The following RALGPS2 variants were observed in gnomAD, a reference collection of about 807,000 sequenced individuals.
RALGPS2 encodes the protein ras-specific guanine nucleotide-releasing factor RalGPS2.
A neutral mutation model predicts 86.8 loss-of-function variants in RALGPS2; 43 were observed. The observed-to-expected ratio is 0.50, with a 90% CI of 0.39 to 0.64. The LOEUF (loss-of-function observed/expected upper bound fraction) is 0.64. Among genes scored for constraint, RALGPS2 ranks in the 30% least tolerant of loss-of-function variants. The probability of loss-of-function intolerance (pLI) is 0.00; values close to 1 mark genes in which losing one functional copy is unlikely to be tolerated. For synonymous variants in RALGPS2, 243 were observed against 231.3 expected (o/e 1.05, Z -0.46); for missense variants, 536 against 694.6 (o/e 0.77, Z 2.57).
chr1:178,812,928 CTTTTT>C (rs397844555), intron 6 of RALGPS2, among the ~76,000 whole-genome samples: 1 of 106,830 alleles, frequency 9.4e-6, no homozygotes, highest in East Asian at 2.6e-4. Context: ...TAGGTAAATA[CTTTTT>C]TTTTTTTTTT....
intron 1 of RALGPS2, among the ~76,000 whole-genome samples, chr1:178,737,375 A>C (rs1650769114): frequency 6.6e-6 from 1 of 152,148 alleles, no homozygotes; most frequent in African/African-American, 2.4e-5. Flanking sequence ...CCTCGCGAGT[A>C]GCTGGGATTA....
intron 2 of RALGPS2, among the ~76,000 whole-genome samples, chr1:178,779,970 G>A (rs1558116118): frequency 6.6e-6 from 1 of 152,266 alleles, no homozygotes; most frequent in East Asian, 1.9e-4. Context: ...CTGACATCAG[G>A]TGATCCACCT....
At chr1:178,823,296 T>G (rs1655596199) in intron 7 of RALGPS2, among the ~76,000 whole-genome samples, 2 of 152,254 alleles carry the variant, frequency 1.3e-5, no homozygotes, top group Admixed American at 6.5e-5. Flanking sequence ...TGGTTTGTAT[T>G]TTAAAATATT....
chr1:178,877,686 G>A, intron 9 of RALGPS2, 51 bp downstream of exon 9: 1 of 1,593,350 alleles, frequency 6.3e-7, no homozygotes, highest in Admixed American at 1.7e-5. Flanking sequence ...GTAATCCAGT[G>A]ATTTATTTAC....
intron 7 of RALGPS2, among the ~76,000 whole-genome samples, chr1:178,827,543 C>G (rs1318548328): frequency 6.6e-6 from 1 of 151,482 alleles, no homozygotes; most frequent in African/African-American, 2.4e-5. Flanking sequence ...TACAGGCGCC[C>G]GCCACTACGC....
intron 17 of RALGPS2, among the ~76,000 whole-genome samples, chr1:178,900,646 T>A (rs371281923): frequency 6.6e-6 from 1 of 152,104 alleles, no homozygotes; most frequent in East Asian, 1.9e-4. Context: ...CCCAAAATAC[T>A]TATCAATAAG....
At chr1:178,878,847 A>G in intron 9 of RALGPS2, 55 bp from the exon 10 acceptor site, 4 of 1,581,586 alleles carry the variant, frequency 2.5e-6, no homozygotes, top group Non-Finnish European at 3.4e-6. Flanking sequence ...CTTAATTTTT[A>G]AAGTTCTGGT....
chr1:178,757,745 C>T (rs965728823), intron 1 of RALGPS2, among the ~76,000 whole-genome samples: 3 of 151,848 alleles, frequency 2.0e-5, no homozygotes, highest in Non-Finnish European at 4.4e-5. Context: ...TATTGGCCTG[C>T]AGTTTACTTG....
intron 8 of RALGPS2, among the ~76,000 whole-genome samples, chr1:178,876,692 C>G (rs1387127530): frequency 6.6e-6 from 1 of 152,132 alleles, no homozygotes; most frequent in African/African-American, 2.4e-5. Context: ...GTATGTTTTT[C>G]TTTTCTCTCC....
chr1:178,917,611 T>C lies in RALGPS2; in HGVS notation c.*1252T>C, dbSNP rs558839506. 6.6e-6 allele frequency: 1 copy of C among 152,304 alleles called. No homozygotes were observed. Among genetic ancestry groups the C allele is most frequent in the South Asian group, 2.1e-4 (1 of 4,830 alleles). 9.4% of individuals were successfully genotyped at this position (152,304 alleles called of 1,614,324 possible). A position where few individuals can be genotyped will look rare whatever the true frequency, so the allele number is the denominator to read the frequency against. ...AAAACATTTTTCTGAAAATTTACTG[T>C]CGGTCTCTGACATGAAACCGTATTT... is the stretch of plus-strand genomic sequence containing the variant. On this transcript the variant is annotated 3_prime_UTR_variant, in exon 20 of 20. Coordinates refer to ENST00000367635, the MANE Select transcript of RALGPS2 (RefSeq NM_152663.5).
At chr1:178,845,535 G>A (rs1656826401) in intron 8 of RALGPS2, among the ~76,000 whole-genome samples, 1 of 152,110 alleles carries the variant, frequency 6.6e-6, no homozygotes, top group Non-Finnish European at 1.5e-5. Flanking sequence ...AACAAAAGTA[G>A]TCATATAATA....
intron 8 of RALGPS2, among the ~76,000 whole-genome samples, chr1:178,844,138 G>A (rs1656751741): frequency 6.6e-6 from 1 of 152,106 alleles, no homozygotes; most frequent in African/African-American, 2.4e-5. Flanking sequence ...ATGCAAATTG[G>A]TAGCTTCATT....
intron 7 of RALGPS2, among the ~76,000 whole-genome samples, chr1:178,831,133 A>C (rs1257148258): frequency 6.6e-6 from 1 of 152,228 alleles, no homozygotes; most frequent in East Asian, 1.9e-4. Flanking sequence ...TGATAAACAG[A>C]ACATTCAGAG....
chr1:178,899,653 G>T (rs60280645), intron 17 of RALGPS2, among the ~76,000 whole-genome samples: 14,276 of 140,370 alleles, frequency 0.1, 1,328 homozygotes, highest in African/African-American at 0.24. Context: ...TTTGGTTTTG[G>T]TTTTTTTTTT....
intron 17 of RALGPS2, among the ~76,000 whole-genome samples, chr1:178,901,751 A>G (rs990284423): frequency 6.6e-6 from 1 of 151,996 alleles, no homozygotes; most frequent in Non-Finnish European, 1.5e-5. Flanking sequence ...TTAAGACAGC[A>G]TAGCTACTAA....
chr1:178,810,162 T>C (rs1192584741), intron 5 of RALGPS2, among the ~76,000 whole-genome samples: 4 of 151,714 alleles, frequency 2.6e-5, no homozygotes, highest in Admixed American at 6.6e-5. Flanking sequence ...GGCTGGTGGA[T>C]CACCTGAGCT....
chr1:178,803,858 C>G lies in RALGPS2; in HGVS notation c.214-4187C>G, dbSNP rs1404027902. On this transcript the variant is annotated intron_variant, in intron 4 of 19. Coordinates refer to ENST00000367635, the MANE Select transcript of RALGPS2 (RefSeq NM_152663.5). ...TATCTCAGTTGCTCAAAGCAGAAAC[C>G]TGGAATCTTAGTACTTCTGCAGACT... Among the ~76,000 whole-genome samples the G allele has an allele frequency of 5.3e-5, 8 of 152,274 alleles. No homozygotes were observed. The East Asian group carries it at 1.5e-3, about 29-fold the overall frequency.
chr1:178,840,131 C>T (rs1420336485), intron 8 of RALGPS2, among the ~76,000 whole-genome samples: 1 of 152,222 alleles, frequency 6.6e-6, no homozygotes, highest in Non-Finnish European at 1.5e-5. Context: ...GAATTGAACT[C>T]AGCTCTGCAC....
Position 178,771,617 on chromosome 1 carries a change from T to A in RALGPS2, c.-83-5065T>A, listed in dbSNP as rs144905962. Among the ~76,000 whole-genome samples the A allele has an allele frequency of 3.1e-3, 478 of 152,260 alleles. 3 individuals carry two copies. The highest frequency in any genetic ancestry group is 8.9e-3 in the African/African-American group (371 of 41,552). On this transcript the variant is annotated intron_variant, in intron 1 of 19. Transcript: ENST00000367635. ...TAGTAAGCAGTCTGTGAGGAAAAAC[T>A]GTTTTTGTTTTTTTACTTTTTTCTA... is the stretch of plus-strand genomic sequence containing the variant.
Sources: allele counts gnomAD v4.1 joint callset (sites outside exome capture counted in the v4.1 genomes callset), GRCh38; gene constraint gnomAD v4.1.1; transcripts MANE v1.5; gene names NCBI Gene and HGNC (gene_info 2026-07-23, HGNC 2026-07-21).